PLA2R1: variants seen among roughly 807,000 people sequenced by gnomAD.
The protein encoded by PLA2R1 is phospholipase A2 receptor 1.
PLA2R1 carries 158 observed loss-of-function variants against 195.9 expected under a neutral mutation model. That is an observed-to-expected ratio of 0.81 (90% CI 0.71 to 0.92). The LOEUF (loss-of-function observed/expected upper bound fraction) is 0.92, where lower values mean the gene tolerates loss of function less well. Among genes scored for constraint, PLA2R1 ranks in the 40% least tolerant of loss-of-function variants. The probability of loss-of-function intolerance (pLI) is 0.00; values close to 1 mark genes in which losing one functional copy is unlikely to be tolerated. For missense variants in PLA2R1, 1,626 were observed against 1,764.6 expected (o/e 0.92, Z 1.41); for synonymous variants, 586 against 598.2 (o/e 0.98, Z 0.30).
chr2:159,927,697 C>A (rs553782881), downstream of PLA2R1, among the ~76,000 whole-genome samples: 4 of 152,130 alleles, frequency 2.6e-5, no homozygotes, highest in South Asian at 8.3e-4. Flanking sequence ...AGGTGAGAAG[C>A]CTCTTTCCCT....
chr2:160,003,261 CT>C (rs1257547692), intron 11 of PLA2R1, among the ~76,000 whole-genome samples: 1 of 151,806 alleles, frequency 6.6e-6, no homozygotes, highest in Non-Finnish European at 1.5e-5. Context: ...TTTTTATAAT[CT>C]TTGGTTGAGC....
At chr2:160,062,084 C>A (rs953373117) in intron 1 of PLA2R1, among the ~76,000 whole-genome samples, 5 of 151,876 alleles carry the variant, frequency 3.3e-5, no homozygotes, top group Admixed American at 6.5e-5. Flanking sequence ...GGGTGCCGGG[C>A]CGCGCAAGTG....
intron 22 of PLA2R1, 71 bp downstream of exon 22, chr2:159,955,626 AG>A: frequency 1.4e-6 from 1 of 717,656 alleles, no homozygotes; most frequent in Non-Finnish European, 2.1e-6. Flanking sequence ...AAATAAAAAA[AG>A]CTTTAGTAAA....
rs188233730 is a variant in PLA2R1 at position 159,983,115 on chromosome 2, G to T, written c.2183+813C>A. ...AAATATTTGAAAATAGAGTAGATTT[G>T]ATCTGTATTTGCTCTAGCTCAAACT... On this transcript the variant is annotated intron_variant, in intron 13 of 29. Coordinates refer to ENST00000283243, the MANE Select transcript of PLA2R1 (RefSeq NM_007366.5). 5.3e-5 allele frequency among the ~76,000 whole-genome samples: 8 copies of T among 152,238 alleles called. No homozygotes were observed. The East Asian group carries it at 1.4e-3, about 26-fold the overall frequency.
chr2:160,027,515 G>C (rs924843628), intron 6 of PLA2R1, among the ~76,000 whole-genome samples: 1 of 152,116 alleles, frequency 6.6e-6, no homozygotes, highest in Admixed American at 6.5e-5. Context: ...GAAAATGAAA[G>C]TTAAAACCCA....
At chr2:159,930,902 G>A (rs1440566157), downstream of PLA2R1, among the ~76,000 whole-genome samples, 1 of 152,202 alleles carries the variant, frequency 6.6e-6, no homozygotes, top group African/African-American at 2.4e-5. Flanking sequence ...TTTCAGACAA[G>A]TTAAATCAAG....
chr2:159,987,809 GA>G (rs905806885), intron 11 of PLA2R1, among the ~76,000 whole-genome samples: 5 of 152,142 alleles, frequency 3.3e-5, no homozygotes, highest in African/African-American at 1.2e-4. Flanking sequence ...GTATACAACA[GA>G]AAACCAAACT....
intron 11 of PLA2R1, among the ~76,000 whole-genome samples, chr2:159,999,347 ATTTTTTTTTT>A (rs916593884): frequency 1.4e-4 from 1 of 7,248 alleles, no homozygotes; most frequent in South Asian, 3.0e-3. Context: ...ACATTACGTA[ATTTTTTTTTT>A]TTTTTTTTTT....
At chr2:160,036,789 C>A (rs1173568184) in intron 3 of PLA2R1, among the ~76,000 whole-genome samples, 1 of 152,164 alleles carries the variant, frequency 6.6e-6, no homozygotes, top group Non-Finnish European at 1.5e-5. Flanking sequence ...AACTGAAAAG[C>A]CTTTGTTGTT....
chr2:159,953,075 A>G (rs1259133260), intron 23 of PLA2R1, among the ~76,000 whole-genome samples: 1 of 152,238 alleles, frequency 6.6e-6, no homozygotes, highest in Non-Finnish European at 1.5e-5. Flanking sequence ...ATTAAATGAC[A>G]TTCTTTGTAT....
chr2:159,970,094 C>T (rs1689056357), intron 18 of PLA2R1, 54 bp downstream of exon 18: 2 of 1,142,614 alleles, frequency 1.8e-6, no homozygotes, highest in South Asian at 2.6e-5. Context: ...TCTAATCATT[C>T]TGCAAATAAA....
intron 13 of PLA2R1, among the ~76,000 whole-genome samples, chr2:159,982,308 A>G (rs569057136): frequency 4.9e-4 from 75 of 152,212 alleles, no homozygotes; most frequent in Non-Finnish European, 8.5e-4. Flanking sequence ...CTTCAGACTC[A>G]GAGAGTCTGA....
rs1687612886 is a variant in PLA2R1, at chr2:159,949,673, T to C, written c.3644A>G (p.Asn1215Ser). 6.2e-7 allele frequency: 1 copy of C among 1,614,064 alleles called. No individual in the cohort carries two copies. Among genetic ancestry groups the C allele is most frequent in the Non-Finnish European group, 8.5e-7 (1 of 1,179,934 alleles). Reference protein sequence around the residue: ...LLGDCVFADSNGRWHSTACES... With the variant: ...LLGDCVFADSSGRWHSTACES... Reference sequence around the variant, plus strand: ...GCAGGCTGTGCTATGCCAGCGTCCGTTGCTGTCGGCAAAAACGCAGTCACC... The same window carrying C: ...GCAGGCTGTGCTATGCCAGCGTCCGCTGCTGTCGGCAAAAACGCAGTCACC... The change falls in exon 25 of 30, where the codon AAC (asparagine) becomes AGC (serine). Residue 1215 changes from asparagine (N) to serine (S), a missense_variant. By Grantham distance (46) the Asn-to-Ser change is conservative (BLOSUM62 1). Coordinates refer to ENST00000283243, the MANE Select transcript of PLA2R1 (RefSeq NM_007366.5).
At chr2:160,031,729 A>T (rs1693863327) in intron 4 of PLA2R1, among the ~76,000 whole-genome samples, 1 of 152,284 alleles carries the variant, frequency 6.6e-6, no homozygotes, top group East Asian at 1.9e-4. Flanking sequence ...ATCACTGTGC[A>T]ATAGCTGCCA....
intron 11 of PLA2R1, among the ~76,000 whole-genome samples, chr2:160,002,769 T>C (rs1691689968): frequency 6.6e-6 from 1 of 152,044 alleles, no homozygotes; most frequent in Admixed American, 6.6e-5. Context: ...TATCACTAAG[T>C]TAAGTTTACC....
At chr2:159,928,384 G>A (rs1308284047), downstream of PLA2R1, among the ~76,000 whole-genome samples, 1 of 152,052 alleles carries the variant, frequency 6.6e-6, no homozygotes, top group Non-Finnish European at 1.5e-5. Flanking sequence ...AGACTGAGGA[G>A]GACATCACAA....
rs920481415 is a variant in PLA2R1, at chr2:159,935,933, G to GT, written c.*5844dup. ...TCATATTTTCCTGCAGTAAAAATAT[G>GT]TATATAAATTAATTTTTTTTTTTTT... On this transcript the variant is annotated 3_prime_UTR_variant, in exon 30 of 30. Transcript: ENST00000283243. 1.3e-4 allele frequency: 17 copies of GT among 128,578 alleles called. No homozygotes were observed. The highest frequency in any genetic ancestry group is 2.3e-4 in the Non-Finnish European group (14 of 61,596). 8.0% of individuals were successfully genotyped at this position (128,578 alleles called of 1,614,324 possible).
At chr2:160,016,472 G>A (rs1299648079) in intron 9 of PLA2R1, 142 bp downstream of exon 9, 5 of 516,990 alleles carry the variant, frequency 9.7e-6, no homozygotes, top group Admixed American at 8.4e-5. Flanking sequence ...AAGGAAAGAA[G>A]GGGGGGGTGC....
At position 159,935,727 on chromosome 2, in the gene PLA2R1, T is replaced by C. The variant is rs1474606403; in HGVS notation, c.*6051A>G. ...ACTTTCTCAAGAAGCCTAAGTTCCT[T>C]TGACTGGAGATACTACAACAATTTG... On this transcript the variant is annotated 3_prime_UTR_variant, in exon 30 of 30. Coordinates refer to ENST00000283243, the MANE Select transcript of PLA2R1 (RefSeq NM_007366.5). 1.3e-5 allele frequency: 2 copies of C among 152,094 alleles called. No individual in the cohort carries two copies. Among genetic ancestry groups the C allele is most frequent in the South Asian group, 2.1e-4 (1 of 4,824 alleles). 9.4% of individuals were successfully genotyped at this position (152,094 alleles called of 1,614,324 possible). A position where few individuals can be genotyped will look rare whatever the true frequency, so the allele number is the denominator to read the frequency against.
Sources: allele counts gnomAD v4.1 joint callset (sites outside exome capture counted in the v4.1 genomes callset), GRCh38; gene constraint gnomAD v4.1.1; transcripts MANE v1.5; gene names NCBI Gene and HGNC (gene_info 2026-07-23, HGNC 2026-07-21).